SLC26A8: variants seen among roughly 807,000 people sequenced by gnomAD.
SLC26A8 encodes testis anion transporter 1.
A neutral mutation model predicts 105.0 loss-of-function variants in SLC26A8; 70 were observed. That is an observed-to-expected ratio of 0.67 (90% CI 0.55 to 0.81). The LOEUF is 0.81. Among genes scored for constraint, SLC26A8 ranks in the 40% least tolerant of loss-of-function variants. The probability of loss-of-function intolerance (pLI) is 0.00; values close to 1 mark genes in which losing one functional copy is unlikely to be tolerated. For synonymous variants in SLC26A8, 415 were observed against 438.3 expected (o/e 0.95, Z 0.66); for missense variants, 998 against 1,181.8 (o/e 0.84, Z 2.28).
intron 8 of SLC26A8, among the ~76,000 whole-genome samples, chr6:35,977,678 A>G (rs539530142): frequency 6.6e-6 from 1 of 152,312 alleles, no homozygotes; most frequent in African/African-American, 2.4e-5. Flanking sequence ...ATAGGTGAAC[A>G]ATAGGTGGAT....
At chr6:35,982,256 T>C (rs1773302887) in intron 7 of SLC26A8, 53 bp from the exon 8 acceptor site, 4 of 1,561,934 alleles carry the variant, frequency 2.6e-6, no homozygotes, top group Middle Eastern at 1.7e-4. Flanking sequence ...CTAAATATAG[T>C]GCATCGCTTC....
At chr6:35,973,305 A>T (rs960707875) in intron 10 of SLC26A8, among the ~76,000 whole-genome samples, 8 of 152,074 alleles carry the variant, frequency 5.3e-5, no homozygotes, top group African/African-American at 1.9e-4. Context: ...TGTACAAAAC[A>T]CTCTTCTTCT....
At chr6:35,985,216 C>A (rs2127338943) in intron 7 of SLC26A8, among the ~76,000 whole-genome samples, 1 of 152,134 alleles carries the variant, frequency 6.6e-6, no homozygotes, top group Middle Eastern at 3.4e-3. Flanking sequence ...TATTGTGTCT[C>A]CCTAATGTAT....
chr6:36,016,054 C>T (rs1761987184), intron 2 of SLC26A8, among the ~76,000 whole-genome samples: 1 of 151,438 alleles, frequency 6.6e-6, no homozygotes, highest in Non-Finnish European at 1.5e-5. Flanking sequence ...AGTGCAGTGG[C>T]GTGATCTCGG....
At chr6:35,961,583 A>C (rs1030507767) in intron 12 of SLC26A8, among the ~76,000 whole-genome samples, 2 of 152,154 alleles carry the variant, frequency 1.3e-5, no homozygotes, top group Non-Finnish European at 2.9e-5. Context: ...ACCACCTGCC[A>C]CTTGTCAGTG....
At chr6:35,953,559 A>C (rs1271548152) in intron 17 of SLC26A8, among the ~76,000 whole-genome samples, 2 of 152,224 alleles carry the variant, frequency 1.3e-5, no homozygotes, top group African/African-American at 4.8e-5. Context: ...TAAAATCTAA[A>C]GTAACAACTA....
rs763786599 is a variant in SLC26A8 at position 36,024,427 on chromosome 6, C to A, written c.-3+77G>T. On this transcript the variant is annotated intron_variant, in intron 1 of 19. Coordinates refer to ENST00000490799, the MANE Select transcript of SLC26A8 (RefSeq NM_052961.4). ...CCTGGCTCTGCGGCATACCTGGGTA[C>A]CTGCCGGTGACGGACGCAGCCCCCG... 3.8e-5 allele frequency: 17 copies of A among 450,656 alleles called. 1 individual carries two copies. The highest frequency in any genetic ancestry group is 2.6e-4 in the South Asian group (17 of 64,378). The allele number at this position is 450,656 out of a possible 1,614,324, so 27.9% of individuals were successfully genotyped here. A position where few individuals can be genotyped will look rare whatever the true frequency, so the allele number is the denominator to read the frequency against.
intron 7 of SLC26A8, chr6:35,989,962 G>T: frequency 1.1e-5 from 1 of 91,484 alleles, no homozygotes. Context: ...TTTTGAGACG[G>T]AGTCTCGCTC....
At chr6:35,991,153 C>T (rs1562052400) in intron 7 of SLC26A8, among the ~76,000 whole-genome samples, 1 of 152,104 alleles carries the variant, frequency 6.6e-6, no homozygotes, top group Non-Finnish European at 1.5e-5. Flanking sequence ...GTAATCCTAG[C>T]ACTTTGGGAG....
chr6:35,960,892 C>T lies in SLC26A8; in HGVS notation c.1589G>A (p.Gly530Asp). The T allele has an allele frequency of 1.9e-6, 3 of 1,614,092 alleles. No individual in the cohort carries two copies. The highest frequency in any genetic ancestry group is 1.7e-6 in the Non-Finnish European group (2 of 1,180,024). Residue 530 changes from glycine to aspartate, a missense_variant, in exon 14 of 20, where the codon GGT becomes GAT. By Grantham distance (94) the Gly-to-Asp change is moderately conservative. Coordinates refer to ENST00000490799, the MANE Select transcript of SLC26A8 (RefSeq NM_052961.4). ...RSHRAKILLL[G>D]QIPNTNIYRS... ...ATAAATGTTGGTGTTAGGGATTTGA[C>T]CCAGGAGAAGAATCTTAGCTCTGAA...
At position 35,977,345 on chromosome 6, in the gene SLC26A8, C is replaced by T; in HGVS notation, c.1032G>A (p.Leu344=). Residue 344 remains leucine, a synonymous_variant, in exon 9 of 20, where the codon CTG becomes CTA. Coordinates refer to ENST00000490799, the MANE Select transcript of SLC26A8 (RefSeq NM_052961.4). ...TLIDMIPYSF[L]LPVTPDFSLL... Reference sequence around the variant, plus strand: ...GGCTGAAATCTGGTGTTACAGGAAGCAGAAAGCTGGAATAGAATAGTGGAA... The same window carrying T: ...GGCTGAAATCTGGTGTTACAGGAAGTAGAAAGCTGGAATAGAATAGTGGAA... 1 of 1,612,524 alleles carries T rather than the reference C, an allele frequency of 6.2e-7. No homozygotes were observed. Among genetic ancestry groups the T allele is most frequent in the Non-Finnish European group, 8.5e-7 (1 of 1,179,504 alleles).
At chr6:35,975,081 C>G (rs1354868353) in intron 10 of SLC26A8, among the ~76,000 whole-genome samples, 1 of 151,970 alleles carries the variant, frequency 6.6e-6, no homozygotes, top group East Asian at 1.9e-4. Flanking sequence ...TATTCTTATC[C>G]TTTAGGTATG....
At position 35,943,567 on chromosome 6, in the gene SLC26A8, A is replaced by C; in HGVS notation, c.*333T>G. 1 of 244,338 alleles carries C rather than the reference A, an allele frequency of 4.1e-6. No homozygotes were observed. Among genetic ancestry groups the C allele is most frequent in the East Asian group, 8.5e-5 (1 of 11,792 alleles). 15.1% of individuals were successfully genotyped at this position (244,338 alleles called of 1,614,324 possible). A position where few individuals can be genotyped will look rare whatever the true frequency, so the allele number is the denominator to read the frequency against. The stretch of plus-strand genomic sequence containing the variant: ...GCTTCATCTCTTTGGAGAAAGGGGA[A>C]CAGGGATGAGAGGATTAAGTTAGAG... On this transcript the variant is annotated 3_prime_UTR_variant, in exon 20 of 20. Transcript: ENST00000490799.
chr6:35,958,653 A>G (rs1772190194), intron 16 of SLC26A8, among the ~76,000 whole-genome samples: 1 of 152,066 alleles, frequency 6.6e-6, no homozygotes, highest in Non-Finnish European at 1.5e-5. Flanking sequence ...GCTCCATTAG[A>G]ATGTATGGGA....
intron 7 of SLC26A8, among the ~76,000 whole-genome samples, chr6:35,988,800 T>C (rs1217592374): frequency 3.3e-5 from 5 of 151,402 alleles, no homozygotes; most frequent in Non-Finnish European, 7.4e-5. Flanking sequence ...ATAATTTAGA[T>C]ACAATAAAGT....
At position 36,001,252 on chromosome 6, in the gene SLC26A8, C is replaced by T. The variant is rs999664521; in HGVS notation, c.329-1144G>A. Among the ~76,000 whole-genome samples the T allele has an allele frequency of 5.3e-5, 8 of 152,274 alleles. No homozygotes were observed. In the South Asian group the frequency reaches 1.7e-3, roughly 32 times the overall value. On this transcript the variant is annotated intron_variant, in intron 3 of 19. Transcript: ENST00000490799. ...CATGCCATTCTCCTGCCTCAGCCTC[C>T]CGAGTAGCTGGAACTACAGGCGCCC...
chr6:35,959,381 A>ATT (rs138054927), intron 16 of SLC26A8, 79 bp downstream of exon 16: 320 of 1,359,976 alleles, frequency 2.4e-4, no homozygotes, highest in Non-Finnish European at 2.6e-4. Flanking sequence ...AGAGGTTTTG[A>ATT]TTTTTTTTTT....
chr6:35,988,802 C>T (rs1773632544), intron 7 of SLC26A8, among the ~76,000 whole-genome samples: 1 of 149,098 alleles, frequency 6.7e-6, no homozygotes, highest in Non-Finnish European at 1.5e-5. Flanking sequence ...AATTTAGATA[C>T]AATAAAGTGC....
intron 3 of SLC26A8, among the ~76,000 whole-genome samples, chr6:36,006,625 A>G (rs1761695862): frequency 6.6e-6 from 1 of 152,228 alleles, no homozygotes; most frequent in African/African-American, 2.4e-5. Flanking sequence ...TAGTTAAAGC[A>G]TCAATTCCAA....
Sources: gnomAD v4.1 joint callset for allele counts (sites outside exome capture counted in the v4.1 genomes callset) on GRCh38, gnomAD v4.1.1 for gene constraint, MANE v1.5 for transcripts, NCBI Gene and HGNC (gene_info 2026-07-23, HGNC 2026-07-21) for gene names.